GXYLT2: variants seen among roughly 807,000 people sequenced by gnomAD.
GXYLT2 encodes glucoside xylosyltransferase 2, also known as glycosyltransferase 8 domain containing 4.
Under a neutral mutation model 45.8 loss-of-function variants are expected in GXYLT2, and 53 were observed. That is an observed-to-expected ratio of 1.16 (90% CI 0.93 to 1.46). The LOEUF is 1.46. GXYLT2 is among the 40% of genes most tolerant of loss of function. The pLI, the probability that GXYLT2 is intolerant of heterozygous loss-of-function variation, is 0.00. For synonymous variants in GXYLT2, 219 were observed against 214.2 expected (o/e 1.02, Z -0.19); for missense variants, 551 against 544.4 (o/e 1.01, Z -0.12).
chr3:72,947,875 G>A (rs1710441491), intron 3 of GXYLT2, among the ~76,000 whole-genome samples: 2 of 152,112 alleles, frequency 1.3e-5, no homozygotes, highest in African/African-American at 4.8e-5. Flanking sequence ...ATTTATTGTA[G>A]GTTTTTGTTT....
intron 3 of GXYLT2, among the ~76,000 whole-genome samples, chr3:72,930,256 G>A (rs963768027): frequency 1.3e-5 from 2 of 151,468 alleles, no homozygotes; most frequent in African/African-American, 2.4e-5. Context: ...GTTCATGCCT[G>A]TAATTCTAGC....
rs1370453237 is a variant in GXYLT2, at chr3:72,976,714, A to G, written c.*1555A>G. ...TTTATTTTTCTCAAATGACTATTGC[A>G]TAGATGATCTTGATATTTGCAACAG... On this transcript the variant is annotated 3_prime_UTR_variant, in exon 7 of 7. Transcript: ENST00000389617. 1 of 152,202 alleles carries G rather than the reference A, an allele frequency of 6.6e-6. No homozygotes were observed. The highest frequency in any genetic ancestry group is 1.5e-5 in the Non-Finnish European group (1 of 68,032). 9.4% of individuals were successfully genotyped at this position (152,202 alleles called of 1,614,324 possible).
intron 3 of GXYLT2, among the ~76,000 whole-genome samples, chr3:72,932,778 G>A (rs572169984): frequency 6.6e-6 from 1 of 152,310 alleles, no homozygotes; most frequent in South Asian, 2.1e-4. Flanking sequence ...TACAAAGTGT[G>A]GCCTTTAGAA....
rs557705337 is a variant in GXYLT2, at chr3:72,894,410, G to A, written c.275+5902G>A. Among the ~76,000 whole-genome samples, 7 of 152,350 alleles carry A rather than the reference G, an allele frequency of 4.6e-5. No individual in the cohort carries two copies. The South Asian group carries it at 1.2e-3, about 27-fold the overall frequency. On this transcript the variant is annotated intron_variant, in intron 1 of 6. Transcript: ENST00000389617. The stretch of plus-strand genomic sequence containing the variant: ...TGAGCATCCACCACACCCTAGAGCA[G>A]CCGTTATGTGCACTTGACTTTATCA...
intron 3 of GXYLT2, among the ~76,000 whole-genome samples, chr3:72,932,847 A>G (rs986879377): frequency 6.6e-6 from 1 of 152,212 alleles, no homozygotes; most frequent in African/African-American, 2.4e-5. Context: ...TTGAGATATT[A>G]TTATATAGAG....
At chr3:72,937,453 T>A (rs939533637) in intron 3 of GXYLT2, among the ~76,000 whole-genome samples, 1 of 152,230 alleles carries the variant, frequency 6.6e-6, no homozygotes, top group Non-Finnish European at 1.5e-5. Flanking sequence ...CAATGCCTAC[T>A]GCACTTAACC....
chr3:72,969,976 A>G lies in GXYLT2; in HGVS notation c.1149+2257A>G, dbSNP rs551002069. Reference sequence around the variant, plus strand: ...TCATGCCTGTAATCCCAGCACTTCAAGAGGCTAAGAAGTGAGAGGATTGCT... The same window carrying G: ...TCATGCCTGTAATCCCAGCACTTCAGGAGGCTAAGAAGTGAGAGGATTGCT... On this transcript the variant is annotated intron_variant, in intron 6 of 6. Coordinates refer to ENST00000389617, the MANE Select transcript of GXYLT2 (RefSeq NM_001080393.2). 5.3e-5 allele frequency among the ~76,000 whole-genome samples: 8 copies of G among 150,348 alleles called. No individual in the cohort carries two copies. In the South Asian group the frequency reaches 1.7e-3, roughly 32 times the overall value.
chr3:72,932,526 C>G (rs1474097132), intron 3 of GXYLT2, among the ~76,000 whole-genome samples: 1 of 152,188 alleles, frequency 6.6e-6, no homozygotes, highest in Non-Finnish European at 1.5e-5. Flanking sequence ...ACAGGATACT[C>G]AGATTGGCTT....
At position 72,976,223 on chromosome 3, in the gene GXYLT2, C is replaced by T. The variant is rs753580293; in HGVS notation, c.*1064C>T. The T allele has an allele frequency of 2.0e-5, 3 of 152,114 alleles. No homozygotes were observed. Among genetic ancestry groups the T allele is most frequent in the Non-Finnish European group, 2.9e-5 (2 of 68,036 alleles). The allele number at this position is 152,114 out of a possible 1,614,324, so 9.4% of individuals were successfully genotyped here. A position where few individuals can be genotyped will look rare whatever the true frequency, so the allele number is the denominator to read the frequency against. On this transcript the variant is annotated 3_prime_UTR_variant, in exon 7 of 7. Coordinates refer to ENST00000389617, the MANE Select transcript of GXYLT2 (RefSeq NM_001080393.2). ...CTGGGATTACAAGTGTGAGCCACTG[C>T]ACTCAGCCAATCTGGGAGTATTTCT...
At chr3:72,968,723 C>T (rs927075152) in intron 6 of GXYLT2, among the ~76,000 whole-genome samples, 11 of 152,010 alleles carry the variant, frequency 7.2e-5, no homozygotes, top group Non-Finnish European at 1.3e-4. Flanking sequence ...GTCAGGAGTT[C>T]GAGACCAGCC....
At chr3:72,910,762 G>A (rs967860405) in intron 2 of GXYLT2, among the ~76,000 whole-genome samples, 4 of 152,200 alleles carry the variant, frequency 2.6e-5, no homozygotes, top group Admixed American at 1.3e-4. Context: ...CCTCAGTGTG[G>A]CAGTGACACA....
intron 1 of GXYLT2, among the ~76,000 whole-genome samples, chr3:72,890,683 G>A (rs531988208): frequency 8.5e-5 from 13 of 152,352 alleles, no homozygotes; most frequent in Non-Finnish European, 1.5e-4. Context: ...CAGTGGCGCA[G>A]CATCTTTTTG....
chr3:72,922,961 A>C (rs1232177516), intron 3 of GXYLT2, among the ~76,000 whole-genome samples: 2 of 152,100 alleles, frequency 1.3e-5, no homozygotes, highest in Non-Finnish European at 2.9e-5. Context: ...TCTACAAAAA[A>C]TACAAAAATT....
At position 72,913,239 on chromosome 3, in the gene GXYLT2, C is replaced by T. The variant is rs921273541; in HGVS notation, c.468+4680C>T. ...ATTTTTAGTAGAGACGGGGTTTCAC[C>T]GTGTTAGCCAGGATGGTCTCGATCT... On this transcript the variant is annotated intron_variant, in intron 2 of 6. Transcript: ENST00000389617. 9.3e-5 allele frequency among the ~76,000 whole-genome samples: 14 copies of T among 150,904 alleles called. No individual in the cohort carries two copies. The South Asian group carries it at 2.5e-3, about 27-fold the overall frequency.
chr3:72,940,198 C>T (rs1158318745), intron 3 of GXYLT2, among the ~76,000 whole-genome samples: 3 of 152,036 alleles, frequency 2.0e-5, no homozygotes, highest in East Asian at 3.9e-4. Flanking sequence ...TGTATGTGTT[C>T]GTGTGTGTTT....
rs1709102602 is a variant in GXYLT2, at chr3:72,888,221, G to C, written c.-13G>C. 1 of 989,268 alleles carries C rather than the reference G, an allele frequency of 1.0e-6. No homozygotes were observed. Among genetic ancestry groups the C allele is most frequent in the Non-Finnish European group, 1.2e-6 (1 of 834,974 alleles). The allele number at this position is 989,268 out of a possible 1,614,324, so 61.3% of individuals were successfully genotyped here. On this transcript the variant is annotated 5_prime_UTR_variant, in exon 1 of 7. Transcript: ENST00000389617. ...GAGCCGCCTGGGGGCCGCCGCCGCC[G>C]CCGCGCCGCACCATGAAGCTCCGCA...
intron 6 of GXYLT2, among the ~76,000 whole-genome samples, chr3:72,972,218 G>T (rs62249930): frequency 0.4 from 60,222 of 151,982 alleles, 14,782 homozygotes; most frequent in Non-Finnish European, 0.54. Context: ...CCACAAGAAG[G>T]CATCTATCAT....
At chr3:72,901,321 T>G (rs1159098361) in intron 1 of GXYLT2, among the ~76,000 whole-genome samples, 1 of 148,792 alleles carries the variant, frequency 6.7e-6, no homozygotes, top group Non-Finnish European at 1.5e-5. Context: ...AGCTGGGCAT[T>G]GTGGCACATG....
chr3:72,938,319 A>G (rs942652862), intron 3 of GXYLT2, among the ~76,000 whole-genome samples: 7 of 152,218 alleles, frequency 4.6e-5, no homozygotes, highest in Admixed American at 1.3e-4. Context: ...CACTGCTTCA[A>G]AAAGTGACAG....
Sources: allele counts gnomAD v4.1 joint callset (sites outside exome capture counted in the v4.1 genomes callset), GRCh38; gene constraint gnomAD v4.1.1; transcripts MANE v1.5; gene names NCBI Gene and HGNC (gene_info 2026-07-23, HGNC 2026-07-21).